NXPE2: variants seen among roughly 807,000 people sequenced by gnomAD.
The protein encoded by NXPE2 is neurexophilin and PC-esterase domain family member 2.
In NXPE2, 34 loss-of-function variants were observed where a neutral mutation model predicts 34.4. That is an observed-to-expected ratio of 0.99 (90% CI 0.75 to 1.31). The LOEUF (loss-of-function observed/expected upper bound fraction) is 1.31. Among genes scored for constraint, NXPE2 ranks in the 40% most tolerant of loss-of-function variants. NXPE2 has a pLI of 0.00. For missense variants in NXPE2, 649 were observed against 672.5 expected, an observed-to-expected ratio of 0.97 and a Z score of 0.39; for synonymous variants, 235 against 231.3, an observed-to-expected ratio of 1.02 and a Z score of -0.15.
chr11:114,688,153 C>A (rs1951081579), intron 2 of NXPE2, among the ~76,000 whole-genome samples: 3 of 151,626 alleles, frequency 2.0e-5, no homozygotes, highest in Admixed American at 2.0e-4. Context: ...GAATGTACAT[C>A]CTTGTTCCAG....
the NXPE2 span, among the ~76,000 whole-genome samples, chr11:114,552,621 C>G: frequency 6.6e-6 from 1 of 151,998 alleles, no homozygotes; most frequent in African/African-American, 2.4e-5. Flanking sequence ...TCTGACCCCT[C>G]CTGCCCCCGA....
chr11:114,722,261 C>T, the NXPE2 span, among the ~76,000 whole-genome samples: 2 of 152,134 alleles, frequency 1.3e-5, no homozygotes, highest in Non-Finnish European at 2.9e-5. Context: ...AGGAAGTTCT[C>T]ATGAGATCTA....
At chr11:114,695,325 T>C (rs1712835) in intron 2 of NXPE2, among the ~76,000 whole-genome samples, 114,963 of 152,078 alleles carry the variant, frequency 0.76, 44,017 homozygotes, top group East Asian at 0.84. Context: ...TACTGTGATT[T>C]AGTCCCAGTA....
In NXPE2 at chr11:114,698,276, A is replaced by C; in HGVS notation, c.364A>C (p.Thr122Pro). The change falls in exon 3 of 6, where the codon ACG becomes CCG. Residue 122 changes from threonine to proline, a missense_variant. Physicochemically the swap from Thr to Pro is conservative, Grantham distance 38. Transcript: ENST00000389586. ...STATILNPQD[T>P]YCRGDQLDIL... The stretch of plus-strand genomic sequence containing the variant: ...AGCCACCATCCTCAACCCTCAAGAT[A>C]CGTACTGCAGGGGGGATCAGCTGGA... 1 of 1,613,532 alleles carries C rather than the reference A, an allele frequency of 6.2e-7. No homozygotes were observed. The highest frequency in any genetic ancestry group is 8.5e-7 in the Non-Finnish European group (1 of 1,179,644).
At chr11:114,522,208 G>A in the NXPE2 span, 1 of 1,614,044 alleles carries the variant, frequency 6.2e-7, no homozygotes, top group Non-Finnish European at 8.5e-7. Flanking sequence ...TAGTGGCTGG[G>A]CTTCTTAGGA....
the NXPE2 span, among the ~76,000 whole-genome samples, chr11:114,609,144 G>A: frequency 4.0e-5 from 6 of 151,644 alleles, no homozygotes; most frequent in East Asian, 1.9e-4. Context: ...GTATTGCCTC[G>A]TGGGTAACCA....
the NXPE2 span, among the ~76,000 whole-genome samples, chr11:114,789,706 A>G: frequency 3.9e-4 from 59 of 152,328 alleles, no homozygotes; most frequent in Admixed American, 2.0e-3. Context: ...TGAACCCTGA[A>G]GGGCCGGCCT....
chr11:114,737,704 TCTC>T, the NXPE2 span, among the ~76,000 whole-genome samples: 1 of 152,094 alleles, frequency 6.6e-6, no homozygotes, highest in Admixed American at 6.5e-5. Context: ...TTTGAGGGGT[TCTC>T]CTCTTGAATC....
At chr11:114,780,168 A>G in the NXPE2 span, among the ~76,000 whole-genome samples, 13 of 152,196 alleles carry the variant, frequency 8.5e-5, no homozygotes, top group Non-Finnish European at 1.6e-4. Context: ...AATAGCTTCA[A>G]AGCCACTGAC....
chr11:114,704,118 G>T, intron 4 of NXPE2, 66 bp downstream of exon 4: 2 of 1,162,038 alleles, frequency 1.7e-6, no homozygotes, highest in South Asian at 1.4e-5. Flanking sequence ...TGCTTACTTA[G>T]AGATATTTAT....
chr11:114,706,815 A>T lies in NXPE2; in HGVS notation c.1565A>T (p.Asn522Ile), dbSNP rs1951485560. ...LIIRDIFVDL[N>I]VGIIDAWDMT... is the part of the protein sequence containing the mutation. Reference sequence around the variant, plus strand: ...ATAAGAGATATTTTTGTGGATCTTAATGTGGGTATTATTGATGCCTGGGAC... The same window carrying T: ...ATAAGAGATATTTTTGTGGATCTTATTGTGGGTATTATTGATGCCTGGGAC... The change falls in exon 6 of 6, where the codon AAT becomes ATT. Residue 522 changes from asparagine to isoleucine, a missense_variant. By Grantham distance (149) the Asn-to-Ile change is moderately radical. Coordinates refer to ENST00000389586, the MANE Select transcript of NXPE2 (RefSeq NM_182495.6). 1 of 1,552,046 alleles carries T rather than the reference A, an allele frequency of 6.4e-7. No homozygotes were observed. The highest frequency in any genetic ancestry group is 1.2e-5 in the South Asian group (1 of 84,060).
the NXPE2 span, among the ~76,000 whole-genome samples, chr11:114,638,737 C>G: frequency 1.3e-5 from 2 of 151,916 alleles, no homozygotes; most frequent in East Asian, 1.9e-4. Flanking sequence ...TACTCCAGAC[C>G]CTGTTTGCCT....
At chr11:114,771,702 CCT>C in the NXPE2 span, among the ~76,000 whole-genome samples, 3 of 152,214 alleles carry the variant, frequency 2.0e-5, no homozygotes, top group African/African-American at 7.2e-5. Context: ...GACCCTCTGT[CCT>C]CTCCTATCTC....
chr11:114,701,962 A>G (rs191055692), intron 3 of NXPE2, among the ~76,000 whole-genome samples: 5 of 152,288 alleles, frequency 3.3e-5, no homozygotes, highest in Admixed American at 3.3e-4. Flanking sequence ...GGGGTCCTGG[A>G]ACCAATCTCC....
chr11:114,801,766 C>T, the NXPE2 span, among the ~76,000 whole-genome samples: 16 of 152,028 alleles, frequency 1.1e-4, no homozygotes, highest in East Asian at 3.9e-4. Context: ...AAAATAGGGA[C>T]GAGTCAGGTT....
chr11:114,475,481 A>T, the NXPE2 span, among the ~76,000 whole-genome samples: 1 of 151,748 alleles, frequency 6.6e-6, no homozygotes, highest in South Asian at 2.1e-4. Context: ...TGACCTCTTG[A>T]TCACCTCGGC....
the NXPE2 span, among the ~76,000 whole-genome samples, chr11:114,557,737 T>A: frequency 2.0e-5 from 3 of 150,496 alleles, no homozygotes; most frequent in East Asian, 5.8e-4. Context: ...TTTGCCGTTC[T>A]CTACTGTCAT....
the NXPE2 span, among the ~76,000 whole-genome samples, chr11:114,639,257 A>G: frequency 2.0e-5 from 3 of 152,102 alleles, no homozygotes; most frequent in Admixed American, 2.0e-4. Flanking sequence ...CTGTGGGCAT[A>G]GGACCCTCCG....
At chr11:114,598,446 CT>C in the NXPE2 span, among the ~76,000 whole-genome samples, 31 of 152,360 alleles carry the variant, frequency 2.0e-4, no homozygotes, top group East Asian at 5.6e-3. Flanking sequence ...CACATTGTCC[CT>C]CCACACTGCC....
Sources: gnomAD v4.1 joint callset for allele counts (sites outside exome capture counted in the v4.1 genomes callset) on GRCh38, gnomAD v4.1.1 for gene constraint, MANE v1.5 for transcripts, NCBI Gene and HGNC (gene_info 2026-07-23, HGNC 2026-07-21) for gene names.